The following PAIP2B variants were observed in gnomAD, a reference collection of about 807,000 sequenced individuals.
The protein encoded by PAIP2B is poly(A) binding protein interacting protein 2B.
A neutral mutation model predicts 17.0 loss-of-function variants in PAIP2B; 13 were observed. The ratio of observed to expected loss-of-function variants is 0.76; its 90% CI spans 0.50 to 1.22. The LOEUF (loss-of-function observed/expected upper bound fraction) is 1.22. PAIP2B is among the 50% of genes most tolerant of loss of function. PAIP2B has a pLI of 0.00. For missense variants in PAIP2B, 117 were observed against 144.5 expected (o/e 0.81, Z 0.98); for synonymous variants, 43 against 48.7 (o/e 0.88, Z 0.48).
chr2:71,197,029 G>C (rs930875727), intron 2 of PAIP2B, among the ~76,000 whole-genome samples: 1 of 152,144 alleles, frequency 6.6e-6, no homozygotes, highest in Non-Finnish European at 1.5e-5. Flanking sequence ...TGTTGGTATT[G>C]ATATGTGTGG....
rs1674493350 is a variant in PAIP2B, at chr2:71,184,844, C to T, written c.*3635G>A. Reference sequence around the variant, plus strand: ...GTGGCTAGGGACACTCAGTCCTTCCCAATTATGTGGACGTCTCCAAATCTT... The same window carrying T: ...GTGGCTAGGGACACTCAGTCCTTCCTAATTATGTGGACGTCTCCAAATCTT... On this transcript the variant is annotated 3_prime_UTR_variant, in exon 4 of 4. Coordinates refer to ENST00000244221, the MANE Select transcript of PAIP2B (RefSeq NM_020459.1). 1 of 120,750 alleles carries T rather than the reference C, an allele frequency of 8.3e-6. No homozygotes were observed. The highest frequency in any genetic ancestry group is 3.3e-5 in the African/African-American group (1 of 30,032). 7.5% of individuals were successfully genotyped at this position (120,750 alleles called of 1,614,324 possible). A position where few individuals can be genotyped will look rare whatever the true frequency, so the allele number is the denominator to read the frequency against.
At position 71,206,645 on chromosome 2, in the gene PAIP2B, T is replaced by A. The variant is rs72837665; in HGVS notation, c.-11-4045A>T. On this transcript the variant is annotated intron_variant, in intron 1 of 3. Coordinates refer to ENST00000244221, the MANE Select transcript of PAIP2B (RefSeq NM_020459.1). ...ATACATGCTTCATCAGTTTAACACT[T>A]TAAACACCCACAACTTTCAGATCCA... is the stretch of plus-strand genomic sequence containing the variant. Among the ~76,000 whole-genome samples, 453 of 152,348 alleles carry A rather than the reference T, an allele frequency of 3.0e-3. 1 individual carries two copies. Among genetic ancestry groups the A allele is most frequent in the Non-Finnish European group, 5.1e-3 (345 of 68,034 alleles).
At chr2:71,194,456 A>AG (rs1674764045) in intron 2 of PAIP2B, among the ~76,000 whole-genome samples, 1 of 94,582 alleles carries the variant, frequency 1.1e-5, no homozygotes, top group East Asian at 3.6e-4. Flanking sequence ...CTGTATTCCT[A>AG]GGTTGTGTGT....
intron 2 of PAIP2B, 49 bp from the exon 3 acceptor site, chr2:71,190,070 A>ACCCC: frequency 6.5e-7 from 1 of 1,530,044 alleles, no homozygotes; most frequent in Non-Finnish European, 8.8e-7. Context: ...AGCAAGACTT[A>ACCCC]CCCCTTCCAG....
intron 1 of PAIP2B, among the ~76,000 whole-genome samples, chr2:71,222,268 G>A (rs1675603301): frequency 6.6e-6 from 1 of 152,162 alleles, no homozygotes; most frequent in Non-Finnish European, 1.5e-5. Flanking sequence ...CTGTGTGACT[G>A]GTAATGCATA....
intron 1 of PAIP2B, among the ~76,000 whole-genome samples, chr2:71,216,894 A>T (rs1221053603): frequency 6.6e-6 from 1 of 152,216 alleles, no homozygotes. Context: ...TTTTATTTTT[A>T]TGAGTTAAAT....
chr2:71,189,879 G>T lies in PAIP2B; in HGVS notation c.281C>A (p.Ser94Ter). The part of the protein sequence containing the change: ...GQLQQQLNGL[S>*]VSEGHDSEDI... ...TTCAGAATCATGACCTTCACTGACT[G>T]ACAGTCCATTTAACTGCTGTTGCAA... is the stretch of plus-strand genomic sequence containing the variant. The change falls in exon 3 of 4, where the codon TCA (serine) becomes TAA (stop). Residue 94 changes from serine (S) to a stop codon, truncating the protein, a stop_gained. Transcript: ENST00000244221. LOFTEE classifies it high-confidence loss of function. 6.4e-7 allele frequency: 1 copy of T among 1,562,922 alleles called. No individual in the cohort carries two copies. Among genetic ancestry groups the T allele is most frequent in the East Asian group, 2.4e-5 (1 of 42,040 alleles).
In PAIP2B at chr2:71,183,497, G is replaced by A. The variant is rs544758670; in HGVS notation, c.*4982C>T. The A allele has an allele frequency of 2.0e-4, 27 of 132,588 alleles. No homozygotes were observed. The highest frequency in any genetic ancestry group is 6.4e-4 in the African/African-American group (22 of 34,272). The allele number at this position is 132,588 out of a possible 1,614,324, so 8.2% of individuals were successfully genotyped here. ...CAGCAGCTTCCCCTATAAGTCCTAC[G>A]TTCGGAGGGTTCCGTTTAGACAACA... On this transcript the variant is annotated 3_prime_UTR_variant, in exon 4 of 4. Coordinates refer to ENST00000244221, the MANE Select transcript of PAIP2B (RefSeq NM_020459.1).
At chr2:71,223,822 T>C (rs971532099) in intron 1 of PAIP2B, among the ~76,000 whole-genome samples, 4 of 152,228 alleles carry the variant, frequency 2.6e-5, no homozygotes, top group Non-Finnish European at 5.9e-5. Context: ...AATTTATGAA[T>C]AAATGTACAA....
At chr2:71,210,431 A>T (rs1023650460) in intron 1 of PAIP2B, among the ~76,000 whole-genome samples, 2 of 152,252 alleles carry the variant, frequency 1.3e-5, no homozygotes, top group African/African-American at 4.8e-5. Flanking sequence ...AAAACAAATA[A>T]GTAGTCATTC....
At position 71,221,152 on chromosome 2, in the gene PAIP2B, A is replaced by G. The variant is rs546327777; in HGVS notation, c.-12+5776T>C. Among the ~76,000 whole-genome samples, 204 of 152,380 alleles carry G rather than the reference A, an allele frequency of 1.3e-3. 1 individual carries two copies. The highest frequency in any genetic ancestry group is 4.9e-3 in the African/African-American group (202 of 41,598). ...AACTTCCATCCATTACTGAGTATCT[A>G]TGGTCATAGCTAACTCAATTGTGAC... On this transcript the variant is annotated intron_variant, in intron 1 of 3. Coordinates refer to ENST00000244221, the MANE Select transcript of PAIP2B (RefSeq NM_020459.1).
chr2:71,188,366 C>T lies in PAIP2B; in HGVS notation c.*113G>A. The T allele has an allele frequency of 1.3e-6, 1 of 788,954 alleles. No individual in the cohort carries two copies. Among genetic ancestry groups the T allele is most frequent in the South Asian group, 1.6e-5 (1 of 61,644 alleles). 48.9% of individuals were successfully genotyped at this position (788,954 alleles called of 1,614,324 possible). A position where few individuals can be genotyped will look rare whatever the true frequency, so the allele number is the denominator to read the frequency against. ...CACAGTATTGTGAGACCACCACTCC[C>T]CTTCCCGCTGTGCACCCCTCGCCCG... On this transcript the variant is annotated 3_prime_UTR_variant, in exon 4 of 4. Coordinates refer to ENST00000244221, the MANE Select transcript of PAIP2B (RefSeq NM_020459.1).
At chr2:71,197,564 A>G (rs1201159855) in intron 2 of PAIP2B, among the ~76,000 whole-genome samples, 1 of 152,194 alleles carries the variant, frequency 6.6e-6, no homozygotes, top group Non-Finnish European at 1.5e-5. Flanking sequence ...ACTCTCTAAC[A>G]TGGTTGGGGA....
chr2:71,202,151 T>C (rs1675001158), intron 2 of PAIP2B, among the ~76,000 whole-genome samples: 1 of 152,210 alleles, frequency 6.6e-6, no homozygotes, highest in African/African-American at 2.4e-5. Context: ...TCTATTTGGT[T>C]AAACATGGGC....
At position 71,188,387 on chromosome 2, in the gene PAIP2B, G is replaced by T; in HGVS notation, c.*92C>A. The T allele has an allele frequency of 2.3e-6, 2 of 876,030 alleles. No individual in the cohort carries two copies. The highest frequency in any genetic ancestry group is 3.0e-5 in the South Asian group (2 of 66,984). 54.3% of individuals were successfully genotyped at this position (876,030 alleles called of 1,614,324 possible). A position where few individuals can be genotyped will look rare whatever the true frequency, so the allele number is the denominator to read the frequency against. ...CTCCCCTTCCCGCTGTGCACCCCTC[G>T]CCCGCCCCATCCCCCTCTTCAGCTC... is the stretch of plus-strand genomic sequence containing the variant. On this transcript the variant is annotated 3_prime_UTR_variant, in exon 4 of 4. Coordinates refer to ENST00000244221, the MANE Select transcript of PAIP2B (RefSeq NM_020459.1).
intron 1 of PAIP2B, among the ~76,000 whole-genome samples, chr2:71,210,274 T>G (rs924150916): frequency 2.6e-5 from 4 of 151,912 alleles, no homozygotes; most frequent in African/African-American, 9.7e-5. Flanking sequence ...AAAGGGGGAG[T>G]AGTTCAGCTT....
intron 1 of PAIP2B, among the ~76,000 whole-genome samples, chr2:71,209,482 A>G (rs921823654): frequency 6.6e-6 from 1 of 152,222 alleles, no homozygotes; most frequent in Non-Finnish European, 1.5e-5. Flanking sequence ...TGGGATGCTT[A>G]ATTAGTAAAA....
rs73939385 is a variant in PAIP2B at position 71,207,254 on chromosome 2, T to C, written c.-11-4654A>G. ...TTTCCCTGAGCAAGAAACATTTTCA[T>C]TGATACCTAAAGAATGTAAGCTTAC... On this transcript the variant is annotated intron_variant, in intron 1 of 3. Transcript: ENST00000244221. Among the ~76,000 whole-genome samples, 301 of 152,262 alleles carry C rather than the reference T, an allele frequency of 2.0e-3. 1 individual carries two copies. Among genetic ancestry groups the C allele is most frequent in the African/African-American group, 6.7e-3 (278 of 41,552 alleles).
chr2:71,220,179 G>A (rs1238063616), intron 1 of PAIP2B, among the ~76,000 whole-genome samples: 1 of 152,124 alleles, frequency 6.6e-6, no homozygotes, highest in African/African-American at 2.4e-5. Flanking sequence ...CCTCTCATGA[G>A]GCCTCTATTT....
Sources: gnomAD v4.1 joint callset for allele counts (sites outside exome capture counted in the v4.1 genomes callset) on GRCh38, gnomAD v4.1.1 for gene constraint, MANE v1.5 for transcripts, NCBI Gene and HGNC (gene_info 2026-07-23, HGNC 2026-07-21) for gene names.